The following WDR41 variants were observed in gnomAD, a reference collection of about 807,000 sequenced individuals.
WDR41 encodes WD repeat-containing protein 41.
A neutral mutation model predicts 69.3 loss-of-function variants in WDR41; 63 were observed. The ratio of observed to expected loss-of-function variants is 0.91; its 90% CI spans 0.74 to 1.12. The LOEUF (loss-of-function observed/expected upper bound fraction) is 1.12, where lower values mean the gene tolerates loss of function less well. WDR41 is among the 50% of genes most tolerant of loss of function. WDR41 has a pLI of 0.00. For synonymous variants in WDR41, 185 were observed against 192.1 expected (o/e 0.96, Z 0.31); for missense variants, 543 against 534.5 (o/e 1.02, Z -0.16).
chr5:77,448,906 AC>A (rs1183831131), intron 8 of WDR41, among the ~76,000 whole-genome samples: 1 of 140,412 alleles, frequency 7.1e-6, no homozygotes, highest in African/African-American at 2.7e-5. Context: ...AACAAAAAAA[AC>A]AAAGCCAAGC....
At chr5:77,589,254 C>T (rs975836567) in intron 1 of WDR41, among the ~76,000 whole-genome samples, 4 of 152,024 alleles carry the variant, frequency 2.6e-5, no homozygotes, top group African/African-American at 9.7e-5. Flanking sequence ...ATATCATGCC[C>T]GTCTTATTCT....
chr5:77,497,859 A>G (rs1017921677), intron 1 of WDR41, among the ~76,000 whole-genome samples: 1 of 152,238 alleles, frequency 6.6e-6, no homozygotes, highest in Non-Finnish European at 1.5e-5. Context: ...CCATCCACAG[A>G]TGAATGGATA....
intron 1 of WDR41, among the ~76,000 whole-genome samples, chr5:77,603,374 A>G (rs1744359790): frequency 6.6e-6 from 1 of 152,208 alleles, no homozygotes. Context: ...TCTTTTGAGA[A>G]ATGTCTATTC....
chr5:77,434,428 G>A (rs6898325), intron 12 of WDR41, among the ~76,000 whole-genome samples: 10,012 of 152,078 alleles, frequency 0.066, 442 homozygotes, highest in African/African-American at 0.13. Context: ...GAATTCCTTC[G>A]GAAACTGGAA....
chr5:77,608,167 ACAGTAT>A (rs1744462862), intron 1 of WDR41, among the ~76,000 whole-genome samples: 1 of 152,228 alleles, frequency 6.6e-6, no homozygotes, highest in Non-Finnish European at 1.5e-5. Context: ...GTGGAATCAT[ACAGTAT>A]TTATCCTTTT....
At chr5:77,500,117 G>A (rs1044933328) in intron 1 of WDR41, among the ~76,000 whole-genome samples, 4 of 152,150 alleles carry the variant, frequency 2.6e-5, no homozygotes, top group African/African-American at 9.7e-5. Context: ...GGTTGCCAAT[G>A]ACAAAACTAC....
intron 1 of WDR41, among the ~76,000 whole-genome samples, chr5:77,520,919 A>G (rs752701220): frequency 1.3e-5 from 2 of 152,322 alleles, no homozygotes; most frequent in Middle Eastern, 6.8e-3. Context: ...CGTCATAAGT[A>G]TCTGAAAACA....
intron 1 of WDR41, among the ~76,000 whole-genome samples, chr5:77,579,031 T>C (rs921940437): frequency 1.3e-5 from 2 of 151,916 alleles, no homozygotes; most frequent in African/African-American, 4.8e-5. Flanking sequence ...AGAGGTTCCA[T>C]AATAGATTTG....
intron 1 of WDR41, among the ~76,000 whole-genome samples, chr5:77,587,308 G>A (rs57449432): frequency 0.028 from 4,336 of 152,176 alleles, 184 homozygotes; most frequent in African/African-American, 0.095. Flanking sequence ...AACCAGTCCA[G>A]TGCATGTATT....
Position 77,433,246 on chromosome 5 carries a change from G to A in WDR41, c.1269C>T (p.Ser423=), listed in dbSNP as rs778282872. The change falls in exon 13 of 13, where the codon TCC becomes TCT. Residue 423 remains serine, a synonymous_variant. Coordinates refer to ENST00000296679, the MANE Select transcript of WDR41 (RefSeq NM_018268.4). ...TCCACAAAATAATGAGATGATCAGC[G>A]GAGCACGTCACTAGTCCATGATCTT... ...YFEDHGLVTC[S]ADHLIILWKN... is the part of the protein sequence containing the mutation. The A allele has an allele frequency of 1.8e-5, 29 of 1,613,708 alleles. No individual in the cohort carries two copies. Among genetic ancestry groups the A allele is most frequent in the Middle Eastern group, 1.6e-4 (1 of 6,076 alleles).
At chr5:77,599,155 C>T (rs1744280289) in intron 1 of WDR41, among the ~76,000 whole-genome samples, 1 of 146,682 alleles carries the variant, frequency 6.8e-6, no homozygotes, top group Admixed American at 6.8e-5. Flanking sequence ...ATTATGTCTA[C>T]TCCATGCATT....
intron 2 of WDR41, among the ~76,000 whole-genome samples, chr5:77,482,283 C>G (rs2169140): frequency 6.6e-6 from 1 of 152,056 alleles, no homozygotes; most frequent in Admixed American, 6.6e-5. Flanking sequence ...TTACATCACA[C>G]CTAAGTTAAC....
chr5:77,548,142 T>C (rs1743230742), intron 1 of WDR41, among the ~76,000 whole-genome samples: 2 of 152,316 alleles, frequency 1.3e-5, no homozygotes, highest in Admixed American at 1.3e-4. Flanking sequence ...CAAGATGGAT[T>C]AAGTACTTAA....
chr5:77,527,878 T>C (rs1802472004), intron 1 of WDR41, among the ~76,000 whole-genome samples: 1 of 151,748 alleles, frequency 6.6e-6, no homozygotes, highest in African/African-American at 2.4e-5. Context: ...TATTTTGAAC[T>C]GAAAATTCAA....
chr5:77,509,065 CAGG>C (rs1047281153), intron 1 of WDR41, among the ~76,000 whole-genome samples: 2 of 152,170 alleles, frequency 1.3e-5, no homozygotes, highest in Non-Finnish European at 2.9e-5. Context: ...GTTCTGTTCT[CAGG>C]AGAACTCTTC....
chr5:77,527,908 C>T (rs987527418), intron 1 of WDR41, among the ~76,000 whole-genome samples: 3 of 151,320 alleles, frequency 2.0e-5, no homozygotes, highest in South Asian at 2.1e-4. Context: ...ACTTGTAAGG[C>T]GTAGTTTAAA....
chr5:77,461,944 T>C (rs1485692853), intron 4 of WDR41, among the ~76,000 whole-genome samples: 7 of 152,126 alleles, frequency 4.6e-5, no homozygotes, highest in Non-Finnish European at 5.9e-5. Context: ...CAATTCCTCA[T>C]ACAGATATTA....
At chr5:77,529,564 C>A (rs1035764654) in intron 1 of WDR41, among the ~76,000 whole-genome samples, 1 of 151,460 alleles carries the variant, frequency 6.6e-6, no homozygotes, top group Non-Finnish European at 1.5e-5. Context: ...TTAGCCAAGA[C>A]AATCTTGGAA....
chr5:77,499,667 C>T (rs1359044900), intron 1 of WDR41: 1 of 152,012 alleles, frequency 6.6e-6, no homozygotes, highest in African/African-American at 2.4e-5. Context: ...AAAAGGGAAA[C>T]CCCAAGGAAA....
Sources: allele counts gnomAD v4.1 joint callset (sites outside exome capture counted in the v4.1 genomes callset), GRCh38; gene constraint gnomAD v4.1.1; transcripts MANE v1.5; gene names NCBI Gene and HGNC (gene_info 2026-07-23, HGNC 2026-07-21).